FAF1: variants seen among roughly 807,000 people sequenced by gnomAD.
The protein encoded by FAF1 is Fas associated factor 1.
A neutral mutation model predicts 92.5 loss-of-function variants in FAF1; 25 were observed. That is an observed-to-expected ratio of 0.27 (90% CI 0.20 to 0.38). FAF1 has a LOEUF of 0.38. FAF1 is among the 10% of genes least tolerant of loss of function. The pLI is 1.00. For synonymous variants in FAF1, 234 were observed against 273.2 expected, an observed-to-expected ratio of 0.86 and a Z score of 1.42; for missense variants, 636 against 793.3, an observed-to-expected ratio of 0.80 and a Z score of 2.38.
intron 1 of FAF1, among the ~76,000 whole-genome samples, chr1:50,956,092 A>G (rs1433129487): frequency 6.6e-6 from 1 of 152,198 alleles, no homozygotes; most frequent in Non-Finnish European, 1.5e-5. Context: ...AGCAAAATGA[A>G]TGTACTTAAT....
At chr1:50,908,916 C>T (rs1412331327) in intron 1 of FAF1, among the ~76,000 whole-genome samples, 2 of 152,142 alleles carry the variant, frequency 1.3e-5, no homozygotes, top group African/African-American at 4.8e-5. Context: ...ATCCTGTCTT[C>T]ATGATGTTAG....
At chr1:50,617,797 T>C (rs756420706) in intron 8 of FAF1, among the ~76,000 whole-genome samples, 63 of 151,900 alleles carry the variant, frequency 4.1e-4, no homozygotes, top group South Asian at 1.0e-3. Flanking sequence ...AGTGCTTTTT[T>C]TGGTTGGCAA....
At chr1:50,827,123 G>C (rs1346049845) in intron 2 of FAF1, among the ~76,000 whole-genome samples, 1 of 152,124 alleles carries the variant, frequency 6.6e-6, no homozygotes, top group Non-Finnish European at 1.5e-5. Context: ...GTACCCAACA[G>C]CTCCAAAGAG....
intron 1 of FAF1, among the ~76,000 whole-genome samples, chr1:50,942,161 A>C (rs955742960): frequency 6.6e-6 from 1 of 152,258 alleles, no homozygotes; most frequent in Non-Finnish European, 1.5e-5. Flanking sequence ...TATAACAATT[A>C]GATGAGATAA....
At chr1:50,905,079 C>T (rs969734319) in intron 1 of FAF1, among the ~76,000 whole-genome samples, 81 of 152,136 alleles carry the variant, frequency 5.3e-4, no homozygotes, top group Admixed American at 1.2e-3. Context: ...ATGTTCCCCA[C>T]CCTGTGTCCA....
intron 8 of FAF1, among the ~76,000 whole-genome samples, chr1:50,643,817 T>C (rs1208898767): frequency 6.6e-6 from 1 of 152,190 alleles, no homozygotes; most frequent in Non-Finnish European, 1.5e-5. Context: ...GGTCTCAAAC[T>C]CCAGAGCTCA....
intron 8 of FAF1, among the ~76,000 whole-genome samples, chr1:50,625,467 T>C (rs1325355909): frequency 6.6e-6 from 1 of 152,210 alleles, no homozygotes; most frequent in African/African-American, 2.4e-5. Context: ...ACCAATGTGG[T>C]TAAGTCCCAC....
intron 1 of FAF1, among the ~76,000 whole-genome samples, chr1:50,941,060 C>T (rs1458693777): frequency 4.7e-5 from 7 of 149,262 alleles, no homozygotes; most frequent in Non-Finnish European, 1.0e-4. Context: ...AAGACACAGT[C>T]TCACTCTGTC....
intron 17 of FAF1, among the ~76,000 whole-genome samples, chr1:50,484,488 G>C (rs1023607822): frequency 3.3e-5 from 5 of 152,198 alleles, no homozygotes; most frequent in Admixed American, 3.3e-4. Flanking sequence ...GTATATTTAT[G>C]TATTGGCACC....
intron 2 of FAF1, among the ~76,000 whole-genome samples, chr1:50,840,828 G>A (rs1253931190): frequency 6.6e-6 from 1 of 151,494 alleles, no homozygotes; most frequent in Non-Finnish European, 1.5e-5. Flanking sequence ...TTTTACTTAT[G>A]GTAAAGAAAA....
At chr1:50,575,082 G>T (rs1263039888) in intron 12 of FAF1, among the ~76,000 whole-genome samples, 1 of 151,544 alleles carries the variant, frequency 6.6e-6, no homozygotes, top group Non-Finnish European at 1.5e-5. Context: ...CTAATTTTTT[G>T]TATTTTTAAT....
intron 7 of FAF1, among the ~76,000 whole-genome samples, chr1:50,693,151 G>A (rs556770555): frequency 6.6e-6 from 1 of 152,152 alleles, no homozygotes; most frequent in East Asian, 1.9e-4. Flanking sequence ...CAAAAACCAC[G>A]AAAAATTTTT....
intron 15 of FAF1, among the ~76,000 whole-genome samples, chr1:50,494,077 G>A (rs989063858): frequency 3.3e-5 from 5 of 152,204 alleles, no homozygotes; most frequent in African/African-American, 1.2e-4. Flanking sequence ...GCTGGCTTGG[G>A]CATGTGGCTC....
At chr1:50,791,043 CAGTT>C (rs889203861) in intron 3 of FAF1, among the ~76,000 whole-genome samples, 8 of 152,128 alleles carry the variant, frequency 5.3e-5, no homozygotes, top group South Asian at 2.1e-4. Flanking sequence ...AGTTCAAAAA[CAGTT>C]AGTTTTTCAA....
At chr1:50,488,284 G>C (rs1341878246) in intron 17 of FAF1, among the ~76,000 whole-genome samples, 3 of 152,144 alleles carry the variant, frequency 2.0e-5, no homozygotes, top group Non-Finnish European at 4.4e-5. Context: ...TATGTTTATA[G>C]GGTCTTCTGT....
chr1:50,723,398 CAAAAAAA>C (rs539161759), intron 6 of FAF1, among the ~76,000 whole-genome samples: 41 of 118,194 alleles, frequency 3.5e-4, no homozygotes, highest in Non-Finnish European at 6.4e-4. Flanking sequence ...AGACTGTCTC[CAAAAAAA>C]AAAAAAAAAT....
rs746989957 is a variant in FAF1 at position 50,491,804 on chromosome 1, TAAAGAA to T, written c.1495-9_1495-4del. 1.1e-5 allele frequency: 18 copies of T among 1,600,252 alleles called. No homozygotes were observed. The highest frequency in any genetic ancestry group is 1.5e-5 in the Non-Finnish European group (18 of 1,174,790). On this transcript the variant is annotated splice_polypyrimidine_tract_variant and splice_region_variant and intron_variant, in intron 15 of 18. Transcript: ENST00000396153. ...TTTTCTCTGGCTTCACGTTCATCCT[TAAAGAA>T]AAAGATTCAAATATTTTTTGACATA...
chr1:50,536,858 A>G (rs934751306), intron 14 of FAF1, among the ~76,000 whole-genome samples: 1 of 152,236 alleles, frequency 6.6e-6, no homozygotes, highest in Non-Finnish European at 1.5e-5. Context: ...CAAAATGGAG[A>G]TAACACTATG....
At chr1:50,744,191 C>G (rs1659501097) in intron 5 of FAF1, among the ~76,000 whole-genome samples, 1 of 152,188 alleles carries the variant, frequency 6.6e-6, no homozygotes, top group Non-Finnish European at 1.5e-5. Flanking sequence ...TCATTCCATG[C>G]ACCTGCCACT....
Sources: allele counts gnomAD v4.1 joint callset (sites outside exome capture counted in the v4.1 genomes callset), GRCh38; gene constraint gnomAD v4.1.1; transcripts MANE v1.5; gene names NCBI Gene and HGNC (gene_info 2026-07-23, HGNC 2026-07-21).